LIN28B: variants seen among roughly 807,000 people sequenced by gnomAD.
LIN28B encodes protein lin-28 homolog B.
A neutral mutation model predicts 21.9 loss-of-function variants in LIN28B; 5 were observed. The observed-to-expected ratio is 0.23, with a 90% CI of 0.12 to 0.48. LIN28B has a LOEUF of 0.48. Ranked by LOEUF, LIN28B falls within the 20% of genes least tolerant of loss-of-function variation. The pLI, the probability that LIN28B is intolerant of heterozygous loss-of-function variation, is 0.98. For synonymous variants in LIN28B, 109 were observed against 111.3 expected, an observed-to-expected ratio of 0.98 and a Z score of 0.13; for missense variants, 245 against 310.5, an observed-to-expected ratio of 0.79 and a Z score of 1.58.
chr6:104,954,473 T>C (rs1778259560), upstream of LIN28B, among the ~76,000 whole-genome samples: 1 of 152,190 alleles, frequency 6.6e-6, no homozygotes, highest in African/African-American at 2.4e-5. Context: ...TTCTCTCCCT[T>C]TCCAACTTCC....
At chr6:105,025,726 T>A (rs889877821) in intron 2 of LIN28B, among the ~76,000 whole-genome samples, 3 of 152,016 alleles carry the variant, frequency 2.0e-5, no homozygotes, top group African/African-American at 4.8e-5. Flanking sequence ...TTGGGCAACA[T>A]AGTGAGTCCC....
chr6:105,022,453 T>A (rs1771159870), intron 2 of LIN28B, among the ~76,000 whole-genome samples: 1 of 152,254 alleles, frequency 6.6e-6, no homozygotes, highest in Non-Finnish European at 1.5e-5. Context: ...TAAAGAAATA[T>A]AATTGGACAA....
chr6:105,034,480 C>G (rs1467631103), intron 3 of LIN28B, among the ~76,000 whole-genome samples: 1 of 151,826 alleles, frequency 6.6e-6, no homozygotes, highest in East Asian at 1.9e-4. Context: ...TTTGATGTTA[C>G]TACTTTTGGC....
At chr6:105,054,868 T>C (rs1771991000) in intron 3 of LIN28B, among the ~76,000 whole-genome samples, 1 of 151,518 alleles carries the variant, frequency 6.6e-6, no homozygotes. Context: ...TTTTTTAGCA[T>C]TGCTTCTTGC....
intron 2 of LIN28B, among the ~76,000 whole-genome samples, chr6:105,001,257 G>A (rs937443643): frequency 1.3e-5 from 2 of 152,202 alleles, no homozygotes; most frequent in African/African-American, 2.4e-5. Context: ...TATGAACAGT[G>A]TCTACATGCT....
chr6:104,964,133 T>G (rs1020498719), intron 2 of LIN28B, among the ~76,000 whole-genome samples: 1 of 152,230 alleles, frequency 6.6e-6, no homozygotes, highest in Non-Finnish European at 1.5e-5. Context: ...TTATGTCTAT[T>G]TTAACCGAGC....
intron 3 of LIN28B, among the ~76,000 whole-genome samples, chr6:105,068,583 A>AAT (rs1772265387): frequency 6.6e-6 from 1 of 152,222 alleles, no homozygotes; most frequent in African/African-American, 2.4e-5. Flanking sequence ...TGTTACGCTG[A>AAT]ATAGTACTGG....
At chr6:105,047,022 T>C (rs186846978) in intron 3 of LIN28B, among the ~76,000 whole-genome samples, 23 of 152,316 alleles carry the variant, frequency 1.5e-4, no homozygotes, top group African/African-American at 5.1e-4. Context: ...TTTAGTTTAA[T>C]TAGATCCCAT....
intron 2 of LIN28B, among the ~76,000 whole-genome samples, chr6:104,991,232 G>A (rs1770467795): frequency 6.6e-6 from 1 of 151,012 alleles, no homozygotes; most frequent in African/African-American, 2.4e-5. Context: ...CCGGGCGGGG[G>A]CTGCCCCCTG....
chr6:105,053,382 G>GGTGTGTGT (rs112180054), intron 3 of LIN28B, among the ~76,000 whole-genome samples: 1,530 of 146,602 alleles, frequency 0.01, 9 homozygotes, highest in Middle Eastern at 0.032. Context: ...TATGTCTTAT[G>GGTGTGTGT]GTGTGTGTGT....
At position 105,078,569 on chromosome 6, in the gene LIN28B, A is replaced by G. The variant is rs1411318766; in HGVS notation, c.539A>G (p.Gln180Arg). 4 of 1,614,162 alleles carry G rather than the reference A, an allele frequency of 2.5e-6. No individual in the cohort carries two copies. Among genetic ancestry groups the G allele is most frequent in the Non-Finnish European group, 3.4e-6 (4 of 1,180,038 alleles). Residue 180 changes from glutamine (Q) to arginine (R), a missense_variant, in exon 4 of 4, where the codon CAG becomes CGG. By Grantham distance (43) the Gln-to-Arg change is conservative. Coordinates refer to ENST00000345080, the MANE Select transcript of LIN28B (RefSeq NM_001004317.4). ...AQPPASSQGRQEAESQPCTST... is the reference protein window; with the variant it reads ...AQPPASSQGRREAESQPCTST... ...CCACCCGCGAGTTCTCAGGGAAGAC[A>G]GGAAGCAGAATCCCAGCCATGCACT...
chr6:104,941,621 A>G (rs1378194490), intron 2 of LIN28B, among the ~76,000 whole-genome samples: 1 of 151,890 alleles, frequency 6.6e-6, no homozygotes, highest in Non-Finnish European at 1.5e-5. Flanking sequence ...CCGCAAGCCG[A>G]ACTGCTTTGT....
chr6:105,047,106 G>A (rs1771785441), intron 3 of LIN28B, among the ~76,000 whole-genome samples: 1 of 152,152 alleles, frequency 6.6e-6, no homozygotes, highest in African/African-American at 2.4e-5. Flanking sequence ...CCTATGTCCT[G>A]AATGGTATTG....
intron 3 of LIN28B, among the ~76,000 whole-genome samples, chr6:105,062,557 ACT>A (rs139075606): frequency 0.024 from 3,655 of 152,288 alleles, 145 homozygotes; most frequent in African/African-American, 0.083. Context: ...AATTTAACAA[ACT>A]CAAATGTTTC....
chr6:104,991,741 G>A (rs1202692703), intron 2 of LIN28B, among the ~76,000 whole-genome samples: 4 of 152,212 alleles, frequency 2.6e-5, no homozygotes, highest in South Asian at 2.1e-4. Flanking sequence ...CTGAGTGAAC[G>A]AGACTCCGTC....
chr6:104,987,300 C>T (rs1770367600), intron 2 of LIN28B, among the ~76,000 whole-genome samples: 3 of 152,062 alleles, frequency 2.0e-5, no homozygotes, highest in Admixed American at 6.6e-5. Context: ...TTTTTAATAT[C>T]GCCCTTGCAT....
chr6:104,971,342 A>T (rs1769980544), intron 2 of LIN28B, among the ~76,000 whole-genome samples: 1 of 152,118 alleles, frequency 6.6e-6, no homozygotes, highest in African/African-American at 2.4e-5. Context: ...ATTCTTCCTT[A>T]AATTTTCAGT....
chr6:104,943,841 A>G (rs887605172), intron 2 of LIN28B, among the ~76,000 whole-genome samples: 1 of 152,200 alleles, frequency 6.6e-6, no homozygotes, highest in Non-Finnish European at 1.5e-5. Context: ...AATTCTTTAC[A>G]TTCAAATACT....
chr6:104,978,562 C>G (rs1322593464), intron 2 of LIN28B, among the ~76,000 whole-genome samples: 4 of 151,392 alleles, frequency 2.6e-5, no homozygotes, highest in African/African-American at 9.7e-5. Context: ...TAAAGGTATC[C>G]TGTCTTTTTT....
Sources: gnomAD v4.1 joint callset for allele counts (sites outside exome capture counted in the v4.1 genomes callset) on GRCh38, gnomAD v4.1.1 for gene constraint, MANE v1.5 for transcripts, NCBI Gene and HGNC (gene_info 2026-07-23, HGNC 2026-07-21) for gene names.